The following BTBD7 variants were observed in gnomAD, a reference collection of about 807,000 sequenced individuals.
BTBD7 encodes the protein BTB/POZ domain-containing protein 7.
A neutral mutation model predicts 99.9 loss-of-function variants in BTBD7; 38 were observed. The ratio of observed to expected loss-of-function variants is 0.38; its 90% CI spans 0.29 to 0.50. The LOEUF (loss-of-function observed/expected upper bound fraction) is 0.50, where lower values mean the gene tolerates loss of function less well. Ranked by LOEUF, BTBD7 falls within the 20% of genes least tolerant of loss-of-function variation. The pLI, the probability that BTBD7 is intolerant of heterozygous loss-of-function variation, is 0.93. For missense variants in BTBD7, 1,170 were observed against 1,394.6 expected (o/e 0.84, Z 2.57); for synonymous variants, 520 against 511.4 (o/e 1.02, Z -0.23).
At chr14:93,309,114 C>T (rs1472429588) in intron 1 of BTBD7, among the ~76,000 whole-genome samples, 4 of 152,120 alleles carry the variant, frequency 2.6e-5, no homozygotes, top group Non-Finnish European at 5.9e-5. Context: ...CTTCATGTTC[C>T]TTTTAATGAC....
Position 93,296,145 on chromosome 14 carries a change from T to C in BTBD7, c.-94A>G, listed in dbSNP as rs917469476. On this transcript the variant is annotated 5_prime_UTR_variant, in exon 2 of 11. Coordinates refer to ENST00000334746, the MANE Select transcript of BTBD7 (RefSeq NM_001002860.4). ...CTTCAACCCTGGATCCAGCAGCCTCTTTTCATCCATTTCTTGATATGAAAT... is the reference window on the plus strand; with the variant it reads ...CTTCAACCCTGGATCCAGCAGCCTCCTTTCATCCATTTCTTGATATGAAAT... The C allele has an allele frequency of 7.3e-6, 10 of 1,361,866 alleles. No individual in the cohort carries two copies. The Middle Eastern group carries it at 8.3e-4, about 113-fold the overall frequency. The allele number at this position is 1,361,866 out of a possible 1,614,324, so 84.4% of individuals were successfully genotyped here.
intron 5 of BTBD7, among the ~76,000 whole-genome samples, chr14:93,259,360 C>G (rs575050219): frequency 1.3e-5 from 2 of 152,262 alleles, no homozygotes; most frequent in East Asian, 3.9e-4. Flanking sequence ...CACTTCAGTA[C>G]TACACCTGGG....
At chr14:93,266,385 G>A (rs202002448) in intron 3 of BTBD7, among the ~76,000 whole-genome samples, 1 of 152,060 alleles carries the variant, frequency 6.6e-6, no homozygotes, top group Non-Finnish European at 1.5e-5. Flanking sequence ...TAGAGAGTTC[G>A]CAACTTATCA....
At chr14:93,302,532 T>C (rs1231006740) in intron 1 of BTBD7, among the ~76,000 whole-genome samples, 2 of 151,994 alleles carry the variant, frequency 1.3e-5, no homozygotes, top group African/African-American at 4.8e-5. Context: ...CAGAGTAGCT[T>C]AGAAATAAAA....
chr14:93,321,481 T>C (rs532253470), intron 1 of BTBD7, among the ~76,000 whole-genome samples: 13 of 152,350 alleles, frequency 8.5e-5, no homozygotes, highest in South Asian at 8.3e-4. Context: ...TAATCCCAGC[T>C]GCTCGGGAGG....
In BTBD7 at chr14:93,239,450, C is replaced by CT. The variant is rs562052567; in HGVS notation, c.*2822dup. The CT allele has an allele frequency of 0.012, 1,749 of 142,086 alleles. 25 individuals carry two copies. The highest frequency in any genetic ancestry group is 0.031 in the African/African-American group (1,214 of 38,874). The allele number at this position is 142,086 out of a possible 1,614,324, so 8.8% of individuals were successfully genotyped here. ...AAATTTTATTTTATATATATATATG[C>CT]TTTTTTTTTTTTTCTGAGAGCAACC... On this transcript the variant is annotated 3_prime_UTR_variant, in exon 11 of 11. Transcript: ENST00000334746.
chr14:93,291,771 C>T (rs1218923590), intron 3 of BTBD7, among the ~76,000 whole-genome samples: 1 of 126,552 alleles, frequency 7.9e-6, no homozygotes, highest in Non-Finnish European at 1.6e-5. Context: ...GAATAAAATA[C>T]AACTTTTAGC....
intron 3 of BTBD7, among the ~76,000 whole-genome samples, chr14:93,272,623 T>C (rs1359731787): frequency 1.3e-5 from 2 of 152,198 alleles, no homozygotes; most frequent in African/African-American, 4.8e-5. Flanking sequence ...AGCACACTAT[T>C]GAAAGGTTTA....
chr14:93,247,486 C>T (rs1481513524), intron 9 of BTBD7, among the ~76,000 whole-genome samples: 2 of 152,200 alleles, frequency 1.3e-5, no homozygotes, highest in African/African-American at 2.4e-5. Context: ...GCTGGGACTA[C>T]AGGCCCACGC....
At chr14:93,248,257 G>A (rs968970305) in intron 9 of BTBD7, among the ~76,000 whole-genome samples, 1 of 152,160 alleles carries the variant, frequency 6.6e-6, no homozygotes, top group Non-Finnish European at 1.5e-5. Flanking sequence ...CAGCAGAGCC[G>A]GGACTTAAAC....
At position 93,278,266 on chromosome 14, in the gene BTBD7, T is replaced by G. The variant is rs796771707; in HGVS notation, c.1163-14273A>C. On this transcript the variant is annotated intron_variant, in intron 3 of 10. Coordinates refer to ENST00000334746, the MANE Select transcript of BTBD7 (RefSeq NM_001002860.4). ...CACCTCTATTAAAAACACAAAAAATTAGCCAGGCGTGGTGGCAGACGCCTC... is the reference window on the plus strand; with the variant it reads ...CACCTCTATTAAAAACACAAAAAATGAGCCAGGCGTGGTGGCAGACGCCTC... Among the ~76,000 whole-genome samples, 10 of 150,306 alleles carry G rather than the reference T, an allele frequency of 6.7e-5. No homozygotes were observed. In the South Asian group the frequency reaches 1.9e-3, roughly 29 times the overall value.
intron 3 of BTBD7, among the ~76,000 whole-genome samples, chr14:93,284,674 G>A (rs900408461): frequency 6.6e-6 from 1 of 152,034 alleles, no homozygotes; most frequent in African/African-American, 2.4e-5. Flanking sequence ...AAACAAGTCA[G>A]AAGATATAAA....
chr14:93,287,314 A>AC (rs1183616481), intron 3 of BTBD7, among the ~76,000 whole-genome samples: 28 of 115,430 alleles, frequency 2.4e-4, no homozygotes, highest in African/African-American at 3.6e-4. Flanking sequence ...CTAACCCTAA[A>AC]CCCCCCCGCC....
intron 7 of BTBD7, among the ~76,000 whole-genome samples, chr14:93,252,234 C>T (rs143138799): frequency 0.02 from 3,035 of 151,306 alleles, 108 homozygotes; most frequent in African/African-American, 0.071. Flanking sequence ...TGCTTGAACT[C>T]GGGAGGAGAA....
intron 7 of BTBD7, among the ~76,000 whole-genome samples, chr14:93,252,810 A>G (rs1358236108): frequency 6.6e-6 from 1 of 151,856 alleles, no homozygotes; most frequent in African/African-American, 2.4e-5. Flanking sequence ...TCAAAAGGCC[A>G]AAGTTTTTTT....
rs2052216289 is a variant in BTBD7 at position 93,240,756 on chromosome 14, C to G, written c.*1517G>C. The G allele has an allele frequency of 6.6e-6, 1 of 152,572 alleles. No homozygotes were observed. Among genetic ancestry groups the G allele is most frequent in the African/African-American group, 2.4e-5 (1 of 41,422 alleles). The allele number at this position is 152,572 out of a possible 1,614,324, so 9.5% of individuals were successfully genotyped here. The stretch of plus-strand genomic sequence containing the variant: ...GTAAGAAAAAAAACAGTCCTTAGCT[C>G]ACACATTGCCCTTCCAAGGGAGAGG... On this transcript the variant is annotated 3_prime_UTR_variant, in exon 11 of 11. Coordinates refer to ENST00000334746, the MANE Select transcript of BTBD7 (RefSeq NM_001002860.4).
chr14:93,329,785 G>A (rs1483326066), intron 1 of BTBD7, among the ~76,000 whole-genome samples: 1 of 152,142 alleles, frequency 6.6e-6, no homozygotes, highest in Non-Finnish European at 1.5e-5. Flanking sequence ...CCAGGGGCTG[G>A]GGGTAAGGGA....
intron 5 of BTBD7, among the ~76,000 whole-genome samples, chr14:93,257,687 C>T (rs1460793532): frequency 6.6e-6 from 1 of 152,202 alleles, no homozygotes; most frequent in East Asian, 1.9e-4. Flanking sequence ...AAAAAGCCTT[C>T]TCACTTTTGT....
chr14:93,246,639 T>C (rs185961050), intron 9 of BTBD7, among the ~76,000 whole-genome samples: 258 of 152,358 alleles, frequency 1.7e-3, no homozygotes, highest in Middle Eastern at 6.8e-3. Context: ...GAGAAAGGAA[T>C]ACAACTGAGG....
Sources: allele counts gnomAD v4.1 joint callset (sites outside exome capture counted in the v4.1 genomes callset), GRCh38; gene constraint gnomAD v4.1.1; transcripts MANE v1.5; gene names NCBI Gene and HGNC (gene_info 2026-07-23, HGNC 2026-07-21).